Variants in PRELID2 observed in about 807,000 individuals in gnomAD.
PRELID2 encodes PRELI domain containing 2.
PRELID2 carries 25 observed loss-of-function variants against 28.4 expected under a neutral mutation model. The ratio of observed to expected loss-of-function variants is 0.88; its 90% CI spans 0.64 to 1.23. The LOEUF is 1.23. PRELID2 is among the 50% of genes most tolerant of loss of function. The pLI is 0.00. For synonymous variants in PRELID2, 76 were observed against 71.6 expected, an observed-to-expected ratio of 1.06 and a Z score of -0.31; for missense variants, 201 against 214.4, an observed-to-expected ratio of 0.94 and a Z score of 0.39.
At chr5:145,265,166 T>C in the PRELID2 span, among the ~76,000 whole-genome samples, 2 of 151,870 alleles carry the variant, frequency 1.3e-5, no homozygotes, top group African/African-American at 4.8e-5. Flanking sequence ...CAGCAGCTAC[T>C]AAGCTGAGAA....
the PRELID2 span, among the ~76,000 whole-genome samples, chr5:145,278,724 C>T: frequency 6.6e-6 from 1 of 152,076 alleles, no homozygotes; most frequent in Non-Finnish European, 1.5e-5. Flanking sequence ...ATCCAAGGAA[C>T]ACAAGGAGGT....
chr5:145,238,611 T>A, the PRELID2 span, among the ~76,000 whole-genome samples: 1 of 152,098 alleles, frequency 6.6e-6, no homozygotes, highest in African/African-American at 2.4e-5. Flanking sequence ...TTTTCTTGAC[T>A]TTTTTCAAAC....
chr5:145,501,711 G>A (rs756871186), intron 1 of PRELID2, among the ~76,000 whole-genome samples: 14 of 151,976 alleles, frequency 9.2e-5, no homozygotes, highest in East Asian at 1.9e-4. Flanking sequence ...ACCCAGTCTC[G>A]GTTATGTATC....
chr5:145,813,796 T>C (rs987436322), intron 4 of PRELID2, among the ~76,000 whole-genome samples: 2 of 151,830 alleles, frequency 1.3e-5, no homozygotes, highest in African/African-American at 4.8e-5. Flanking sequence ...AAAAAAAAAA[T>C]TTAACTGGTC....
chr5:145,264,109 A>G, the PRELID2 span, among the ~76,000 whole-genome samples: 1 of 152,300 alleles, frequency 6.6e-6, no homozygotes, highest in Non-Finnish European at 1.5e-5. Flanking sequence ...ATGCTATTCT[A>G]AAAGATAGGG....
intron 1 of PRELID2, among the ~76,000 whole-genome samples, chr5:145,524,299 C>T (rs1418425980): frequency 6.6e-6 from 1 of 152,212 alleles, no homozygotes; most frequent in Non-Finnish European, 1.5e-5. Flanking sequence ...GCAGAGCAGC[C>T]ATCCCTTCTC....
intron 1 of PRELID2, among the ~76,000 whole-genome samples, chr5:145,635,155 A>G (rs557611847): frequency 1.8e-4 from 27 of 152,270 alleles, no homozygotes; most frequent in African/African-American, 5.5e-4. Flanking sequence ...TGGTGCTTCT[A>G]CCTTCTGTTT....
chr5:145,758,921 C>T lies in PRELID2; in HGVS notation c.*1615G>A, dbSNP rs952467454. ...AAAATACAATTGCTTTGAAATTCATCAATGGATTAAGTGGAAAAATTTTCA... is the reference window on the plus strand; with the variant it reads ...AAAATACAATTGCTTTGAAATTCATTAATGGATTAAGTGGAAAAATTTTCA... On this transcript the variant is annotated 3_prime_UTR_variant, in exon 7 of 7. Transcript: ENST00000683046. 2.0e-5 allele frequency: 3 copies of T among 148,372 alleles called. No homozygotes were observed. The highest frequency in any genetic ancestry group is 7.4e-5 in the African/African-American group (3 of 40,332). The allele number at this position is 148,372 out of a possible 1,614,324, so 9.2% of individuals were successfully genotyped here.
intron 1 of PRELID2, among the ~76,000 whole-genome samples, chr5:145,730,123 T>C (rs1314720421): frequency 2.0e-5 from 3 of 152,086 alleles, no homozygotes; most frequent in African/African-American, 7.2e-5. Flanking sequence ...TTATGGTGCG[T>C]CAGGGTAGCC....
chr5:145,415,742 T>C, the PRELID2 span, among the ~76,000 whole-genome samples: 34 of 151,866 alleles, frequency 2.2e-4, no homozygotes, highest in South Asian at 6.0e-3. Flanking sequence ...AATAAACATA[T>C]GTGTGCATGT....
chr5:145,348,633 A>C, the PRELID2 span, among the ~76,000 whole-genome samples: 1 of 151,206 alleles, frequency 6.6e-6, no homozygotes, highest in Non-Finnish European at 1.5e-5. Flanking sequence ...TCTATTATAA[A>C]TTGCAGCCAT....
At chr5:145,307,029 G>T in the PRELID2 span, among the ~76,000 whole-genome samples, 1 of 152,062 alleles carries the variant, frequency 6.6e-6, no homozygotes, top group Non-Finnish European at 1.5e-5. Flanking sequence ...TTATAGTCTT[G>T]CCAGACTTTG....
At chr5:145,532,893 T>C (rs547051012) in intron 1 of PRELID2, among the ~76,000 whole-genome samples, 1 of 152,252 alleles carries the variant, frequency 6.6e-6, no homozygotes, top group South Asian at 2.1e-4. Context: ...TTACATATCT[T>C]GGCTACTTTG....
intron 1 of PRELID2, among the ~76,000 whole-genome samples, chr5:145,682,824 T>C (rs1754963577): frequency 6.6e-6 from 1 of 152,172 alleles, no homozygotes; most frequent in East Asian, 1.9e-4. Flanking sequence ...CATTTCACCA[T>C]ATGCAAAGGG....
chr5:145,795,070 G>A lies in PRELID2; in HGVS notation c.474+1372C>T, dbSNP rs1752646487. On this transcript the variant is annotated intron_variant, in intron 5 of 6. Transcript: ENST00000683046. ...TCCCATTCTTCTAGTGAATATAGCT[G>A]TATTATAAAAAAATTCAATTTATTA... 2.6e-5 allele frequency: 4 copies of A among 152,138 alleles called. No homozygotes were observed. The South Asian group carries it at 8.3e-4, about 32-fold the overall frequency. The allele number at this position is 152,138 out of a possible 1,614,324, so 9.4% of individuals were successfully genotyped here. A position where few individuals can be genotyped will look rare whatever the true frequency, so the allele number is the denominator to read the frequency against.
the PRELID2 span, among the ~76,000 whole-genome samples, chr5:145,335,636 A>T: frequency 2.0e-5 from 3 of 152,224 alleles, no homozygotes; most frequent in African/African-American, 7.2e-5. Flanking sequence ...AAAATTTAAA[A>T]ATACCTTGAG....
chr5:145,386,629 A>G, the PRELID2 span, among the ~76,000 whole-genome samples: 1 of 152,164 alleles, frequency 6.6e-6, no homozygotes, highest in Admixed American at 6.5e-5. Flanking sequence ...TCTTTATAGC[A>G]GTGTGAAAAC....
At position 145,600,434 on chromosome 5, in the gene PRELID2, A is replaced by AAATATATATAT. The variant is rs1315631607; in HGVS notation, n.71-127120_71-127119insATATATATATT. Among the ~76,000 whole-genome samples, 701 of 119,996 alleles carry AAATATATATAT rather than the reference A, an allele frequency of 5.8e-3. 13 individuals are homozygous for AAATATATATAT. Among genetic ancestry groups the AAATATATATAT allele is most frequent in the African/African-American group, 0.027 (664 of 24,450 alleles). The allele number at this position is 119,996 out of a possible 152,430, so 78.7% of individuals were successfully genotyped here. On this transcript the variant is annotated intron_variant and non_coding_transcript_variant, in intron 1 of 2. Coordinates refer to the PRELID2 transcript ENST00000510259. ...TCTCAGGGGGGGAAAAAAAAAAAAA[A>AAATATATATAT]ATATATATATATATATATATGTATC...
At chr5:145,716,162 C>T (rs1468182879) in intron 1 of PRELID2, among the ~76,000 whole-genome samples, 3 of 152,124 alleles carry the variant, frequency 2.0e-5, no homozygotes, top group Non-Finnish European at 4.4e-5. Flanking sequence ...AAAGATTGGA[C>T]ACCCCTGGTC....
Sources: gnomAD v4.1 joint callset for allele counts (sites outside exome capture counted in the v4.1 genomes callset) on GRCh38, gnomAD v4.1.1 for gene constraint, MANE v1.5 for transcripts, NCBI Gene and HGNC (gene_info 2026-07-23, HGNC 2026-07-21) for gene names.